Variants in CLSPN observed in about 807,000 individuals in gnomAD.
CLSPN encodes the protein claspin homolog.
CLSPN carries 85 observed loss-of-function variants against 156.3 expected under a neutral mutation model. The observed-to-expected ratio is 0.54, with a 90% CI of 0.46 to 0.65. The LOEUF is 0.65. Among genes scored for constraint, CLSPN ranks in the 30% least tolerant of loss-of-function variants. CLSPN has a pLI of 0.00. For missense variants in CLSPN, 1,407 were observed against 1,554.9 expected (o/e 0.90, Z 1.60); for synonymous variants, 534 against 542.4 (o/e 0.98, Z 0.22).
chr1:35,754,743 G>C (rs923903287), intron 8 of CLSPN, among the ~76,000 whole-genome samples: 1 of 152,180 alleles, frequency 6.6e-6, no homozygotes, highest in African/African-American at 2.4e-5. Flanking sequence ...CAGCAGGACT[G>C]TAAAAAGTTT....
rs1641971950 is a variant in CLSPN at position 35,748,515 on chromosome 1, G to T, written c.2362C>A (p.Pro788Thr). 1 of 1,613,978 alleles carries T rather than the reference G, an allele frequency of 6.2e-7. No individual in the cohort carries two copies. The highest frequency in any genetic ancestry group is 1.1e-5 in the South Asian group (1 of 91,084). ...CCACGGCCTGTTTGTCTGTTGCAAGGCTGATAGGATGGAATCGTGGAGCCA... is the reference window on the plus strand; with the variant it reads ...CCACGGCCTGTTTGTCTGTTGCAAGTCTGATAGGATGGAATCGTGGAGCCA... ...LIGSTIPSYQ[P>T]CNRQTGRGTS... Residue 788 changes from proline (P) to threonine (T), a missense_variant, in exon 13 of 25, where the codon CCT becomes ACT. Transcript: ENST00000318121.
chr1:35,743,701 G>A, intron 16 of CLSPN, 171 bp from the exon 17 acceptor site: 2 of 587,974 alleles, frequency 3.4e-6, no homozygotes, highest in Non-Finnish European at 6.0e-6. Flanking sequence ...TCAGCTCACT[G>A]TAACCTCCAC....
At chr1:35,752,540 T>C (rs1344492190) in intron 9 of CLSPN, among the ~76,000 whole-genome samples, 2 of 144,988 alleles carry the variant, frequency 1.4e-5, no homozygotes, top group East Asian at 4.0e-4. Flanking sequence ...ATCGTGCCAT[T>C]GCACTCCAGC....
intron 14 of CLSPN, 27 bp from the exon 15 acceptor site, chr1:35,747,019 G>A: frequency 6.3e-7 from 1 of 1,585,500 alleles, no homozygotes; most frequent in Non-Finnish European, 8.7e-7. Flanking sequence ...ACAACGAATA[G>A]TGTAAAAAAT....
rs1323781907 is a variant in CLSPN at position 35,765,198 on chromosome 1, A to T, written c.133+20T>A. On this transcript the variant is annotated intron_variant, in intron 2 of 24. Coordinates refer to ENST00000318121, the MANE Select transcript of CLSPN (RefSeq NM_022111.4). ...AGGCTCCCGCAACCTATTCCTAAAA[A>T]TAAAAGTACTATTACAAACCTCCTT... 2.7e-6 allele frequency: 4 copies of T among 1,504,118 alleles called. No individual in the cohort carries two copies. The highest frequency in any genetic ancestry group is 3.7e-6 in the Non-Finnish European group (4 of 1,083,592). 93.2% of individuals were successfully genotyped at this position (1,504,118 alleles called of 1,614,324 possible). A position where few individuals can be genotyped will look rare whatever the true frequency, so the allele number is the denominator to read the frequency against.
downstream of CLSPN, among the ~76,000 whole-genome samples, chr1:35,731,248 A>G (rs1225773110): frequency 6.6e-6 from 1 of 152,056 alleles, no homozygotes; most frequent in Admixed American, 6.6e-5. Flanking sequence ...GTTAATGGTC[A>G]GAGAAGGCTT....
chr1:35,739,294 C>G, intron 19 of CLSPN, 37 bp from the exon 20 acceptor site: 1 of 1,614,066 alleles, frequency 6.2e-7, no homozygotes. Context: ...AAACAAGGAC[C>G]ATTCTGGCTG....
At chr1:35,764,743 A>G in intron 2 of CLSPN, 29 bp from the exon 3 acceptor site, 1 of 1,443,158 alleles carries the variant, frequency 6.9e-7, no homozygotes, top group Non-Finnish European at 9.3e-7. Flanking sequence ...TTTTAATTAT[A>G]CCATCATTTG....
At position 35,751,307 on chromosome 1, in the gene CLSPN, T is replaced by C; in HGVS notation, c.1971A>G (p.Glu657=). Residue 657 remains glutamate, a synonymous_variant, in exon 10 of 25, where the codon GAA becomes GAG. Coordinates refer to ENST00000318121, the MANE Select transcript of CLSPN (RefSeq NM_022111.4). ...EEKVEKEEKE[E]ELEEEEEKEE... ...CTTTCTCCTCCTCTTCCTCTAGTTC[T>C]TCCTCTTTCTCTTCTTTCTCTACCT... 1 of 1,589,834 alleles carries C rather than the reference T, an allele frequency of 6.3e-7. No homozygotes were observed. The highest frequency in any genetic ancestry group is 8.6e-7 in the Non-Finnish European group (1 of 1,166,888).
At position 35,725,343 on chromosome 1, in the gene CLSPN, C is replaced by G. The variant is rs185531974; in HGVS notation, c.3910-4363G>C. On this transcript the variant is annotated intron_variant, in intron 24 of 24. Coordinates refer to the CLSPN transcript ENST00000251195. ...CTCTCCAGTGCACTCAAGCGGTCACCAGGACATCAGAAAAGCCAAATCCAA... is the reference window on the plus strand; with the variant it reads ...CTCTCCAGTGCACTCAAGCGGTCACGAGGACATCAGAAAAGCCAAATCCAA... Among the ~76,000 whole-genome samples the G allele has an allele frequency of 8.1e-4, 123 of 152,256 alleles. 1 individual carries two copies. In the Middle Eastern group the frequency reaches 0.037, roughly 46 times the overall value.
Position 35,738,027 on chromosome 1 carries a change from G to C in CLSPN, c.3629C>G (p.Ala1210Gly). The C allele has an allele frequency of 6.7e-7, 1 of 1,486,596 alleles. No individual in the cohort carries two copies. Among genetic ancestry groups the C allele is most frequent in the Non-Finnish European group, 9.0e-7 (1 of 1,108,822 alleles). 92.1% of individuals were successfully genotyped at this position (1,486,596 alleles called of 1,614,324 possible). The change falls in exon 22 of 25, where the codon GCC (alanine) becomes GGC (glycine). Residue 1210 changes from alanine (A) to glycine (G), a missense_variant. Transcript: ENST00000318121. ...CAGTGCTTTGGCTGTAACTTTCTTG[G>C]CCAGTATCATAAACTGACTGTCCTC... ...IGEDSQFMIL[A>G]KKVTAKALQK...
chr1:35,728,913 T>A (rs1274201797), downstream of CLSPN, among the ~76,000 whole-genome samples: 1 of 107,116 alleles, frequency 9.3e-6, no homozygotes, highest in South Asian at 3.0e-4. Context: ...AACCTCACCC[T>A]CCCCTCAAAC....
Position 35,738,601 on chromosome 1 carries a change from T to C in CLSPN, c.3431-19A>G. The C allele has an allele frequency of 1.2e-6, 2 of 1,613,398 alleles. No individual in the cohort carries two copies. Among genetic ancestry groups the C allele is most frequent in the Non-Finnish European group, 1.7e-6 (2 of 1,179,698 alleles). ...GCATCATCTAAACAAAGAGTGAAGGTAATCAGCATTCGGCAGTCCTCACAG... is the reference window on the plus strand; with the variant it reads ...GCATCATCTAAACAAAGAGTGAAGGCAATCAGCATTCGGCAGTCCTCACAG... On this transcript the variant is annotated intron_variant, in intron 20 of 24. Coordinates refer to ENST00000318121, the MANE Select transcript of CLSPN (RefSeq NM_022111.4).
intron 12 of CLSPN, chr1:35,748,817 GTTCTTTTTTTTTT>G: frequency 2.9e-6 from 1 of 346,998 alleles, no homozygotes; most frequent in South Asian, 2.4e-5. Flanking sequence ...ACACTTGAAA[GTTCTTTTTTTTTT>G]TTTTTTTTTT....
chr1:35,760,229 A>G, intron 8 of CLSPN, 113 bp downstream of exon 8: 1 of 778,702 alleles, frequency 1.3e-6, no homozygotes, highest in South Asian at 1.9e-5. Flanking sequence ...CTGCAGGATA[A>G]GATCAAAGTG....
downstream of CLSPN, chr1:35,732,110 T>C (rs1641330639): frequency 1.0e-6 from 1 of 966,976 alleles, no homozygotes; most frequent in South Asian, 4.8e-5. Flanking sequence ...AAACAGAGGC[T>C]CTGAAAGGTG....
In CLSPN at chr1:35,761,109, T is replaced by C. The variant is rs775380330; in HGVS notation, c.991A>G (p.Met331Val). ...GAGGGTTCTTACTTCAATAGTGCCA[T>C]GGCATTTCCGTGGCAAGTGGGCCGG... The part of the protein sequence containing the change: ...KPRPTCHGNA[M>V]ALLKSSKYQS... Residue 331 changes from methionine (M) to valine (V), a missense_variant, in exon 7 of 25, where the codon ATG becomes GTG. Met to Val is a conservative substitution (Grantham distance 21). Around this residue, in one of 3 missense-constraint regions of CLSPN, gnomAD observed 1,096 missense variants for 1,193.0 expected, o/e 0.92. Coordinates refer to ENST00000318121, the MANE Select transcript of CLSPN (RefSeq NM_022111.4). 2.3e-5 allele frequency: 37 copies of C among 1,603,122 alleles called. No homozygotes were observed. The highest frequency in any genetic ancestry group is 3.1e-5 in the Non-Finnish European group (36 of 1,170,064).
Position 35,736,584 on chromosome 1 carries a change from A to G in CLSPN, c.3932T>C (p.Phe1311Ser). ...KSQVKKRGPS[F>S]MTSPSPKHLK... Reference sequence around the variant, plus strand: ...GTGCTTAGGTGAAGGAGAAGTCATGAAAGATGGACCCCTTTTCTTTACCTA... The same window carrying G: ...GTGCTTAGGTGAAGGAGAAGTCATGGAAGATGGACCCCTTTTCTTTACCTA... Residue 1311 changes from phenylalanine to serine, a missense_variant, in exon 25 of 25, where the codon TTC becomes TCC. By Grantham distance (155) the Phe-to-Ser change is radical (BLOSUM62 -2). Transcript: ENST00000318121. 1 of 1,612,342 alleles carries G rather than the reference A, an allele frequency of 6.2e-7. No homozygotes were observed. The highest frequency in any genetic ancestry group is 8.5e-7 in the Non-Finnish European group (1 of 1,179,410).
At chr1:35,749,863 A>G in intron 10 of CLSPN, 52 bp from the exon 11 acceptor site, 2 of 1,576,386 alleles carry the variant, frequency 1.3e-6, no homozygotes, top group Admixed American at 1.8e-5. Context: ...AAACATTTAA[A>G]AGCAAATACA....
Sources: allele counts gnomAD v4.1 joint callset (sites outside exome capture counted in the v4.1 genomes callset), GRCh38; gene constraint gnomAD v4.1.1; regional missense constraint gnomAD v4.1.1; transcripts MANE v1.5; gene names NCBI Gene and HGNC (gene_info 2026-07-23, HGNC 2026-07-21).